The following RMDN1 variants were observed in gnomAD, a reference collection of about 807,000 sequenced individuals.
The protein encoded by RMDN1 is regulator of microtubule dynamics protein 1.
A neutral mutation model predicts 48.9 loss-of-function variants in RMDN1; 48 were observed. The observed-to-expected ratio is 0.98, with a 90% confidence interval of 0.78 to 1.25. RMDN1 has a LOEUF of 1.25. RMDN1 is among the 50% of genes most tolerant of loss of function. RMDN1 has a pLI of 0.00. For missense variants in RMDN1, 418 were observed against 373.4 expected, an observed-to-expected ratio of 1.12 and a Z score of -0.98; for synonymous variants, 148 against 132.6, an observed-to-expected ratio of 1.12 and a Z score of -0.80.
intron 4 of RMDN1, among the ~76,000 whole-genome samples, chr8:86,485,702 G>GA (rs34972672): frequency 0.014 from 2,155 of 152,282 alleles, 21 homozygotes; most frequent in South Asian, 0.059. Flanking sequence ...GCCACAGTTG[G>GA]ACGGCAGACC....
Position 86,474,105 on chromosome 8 carries a change from G to A in RMDN1, c.*203C>T. 1 of 1,299,694 alleles carries A rather than the reference G, an allele frequency of 7.7e-7. No individual in the cohort carries two copies. Among genetic ancestry groups the A allele is most frequent in the East Asian group, 3.1e-5 (1 of 32,580 alleles). 80.5% of individuals were successfully genotyped at this position (1,299,694 alleles called of 1,614,324 possible). On this transcript the variant is annotated 3_prime_UTR_variant, in exon 10 of 10. Transcript: ENST00000406452. ...AAATAATCTCTTTGCCTGAGCCATG[G>A]AGATTTATTTCTACCACTCTTATGG...
At chr8:86,472,200 A>C (rs917550065), downstream of RMDN1, 9 of 574,086 alleles carry the variant, frequency 1.6e-5, no homozygotes, top group South Asian at 2.0e-4. Context: ...ACACAAACAC[A>C]CATGTATAAA....
downstream of RMDN1, chr8:86,470,431 G>C (rs1206930937): frequency 7.9e-7 from 1 of 1,265,254 alleles, no homozygotes; most frequent in African/African-American, 1.5e-5. Flanking sequence ...AAATGGAAGA[G>C]ACTTAGTGCA....
At position 86,474,254 on chromosome 8, in the gene RMDN1, T is replaced by TA; in HGVS notation, c.*53dup. The TA allele has an allele frequency of 6.2e-7, 1 of 1,607,464 alleles. No individual in the cohort carries two copies. Among genetic ancestry groups the TA allele is most frequent in the Non-Finnish European group, 8.5e-7 (1 of 1,177,432 alleles). On this transcript the variant is annotated 3_prime_UTR_variant, in exon 10 of 10. Coordinates refer to ENST00000406452, the MANE Select transcript of RMDN1 (RefSeq NM_016033.3). ...ATAGTTCATATATTAAGTTTAGAAT[T>TA]AAAAGAAAAGGCAATGTTTATTAGC... is the stretch of plus-strand genomic sequence containing the variant.
At chr8:86,483,128 T>C (rs1184422615) in intron 5 of RMDN1, 2 of 359,920 alleles carry the variant, frequency 5.6e-6, no homozygotes, top group African/African-American at 2.1e-5. Flanking sequence ...AATCCAAAGA[T>C]GTTACCACTT....
Position 86,473,411 on chromosome 8 carries a change from A to G in RMDN1, c.*897T>C, listed in dbSNP as rs961748808. On this transcript the variant is annotated 3_prime_UTR_variant, in exon 10 of 10. Coordinates refer to ENST00000406452, the MANE Select transcript of RMDN1 (RefSeq NM_016033.3). Reference sequence around the variant, plus strand: ...TTAAGTTTTGTGTTCCTTCCATTCCATTAGGGAATAGAACTTTGCATCTGA... The same window carrying G: ...TTAAGTTTTGTGTTCCTTCCATTCCGTTAGGGAATAGAACTTTGCATCTGA... 1 of 984,786 alleles carries G rather than the reference A, an allele frequency of 1.0e-6. No individual in the cohort carries two copies. The highest frequency in any genetic ancestry group is 6.1e-5 in the Admixed American group (1 of 16,276). The allele number at this position is 984,786 out of a possible 1,614,324, so 61.0% of individuals were successfully genotyped here.
At chr8:86,498,267 A>AAG (rs1817689078) in intron 2 of RMDN1, among the ~76,000 whole-genome samples, 1 of 151,816 alleles carries the variant, frequency 6.6e-6, no homozygotes, top group Non-Finnish European at 1.5e-5. Flanking sequence ...GTAAAAAAAA[A>AAG]AAACCTACCA....
At chr8:86,506,349 T>C (rs1819351159) in intron 2 of RMDN1, among the ~76,000 whole-genome samples, 2 of 152,226 alleles carry the variant, frequency 1.3e-5, no homozygotes, top group Non-Finnish European at 2.9e-5. Flanking sequence ...TGAACGATTA[T>C]TATCTAAAGG....
chr8:86,495,619 G>A (rs1356924681), intron 2 of RMDN1, among the ~76,000 whole-genome samples: 2 of 152,058 alleles, frequency 1.3e-5, no homozygotes, highest in Non-Finnish European at 2.9e-5. Flanking sequence ...CAGGGTCCCT[G>A]CCTGGCCGCA....
downstream of RMDN1, chr8:86,470,040 G>A (rs572844110): frequency 2.9e-5 from 14 of 485,460 alleles, no homozygotes; most frequent in Middle Eastern, 3.1e-3. Context: ...TAAAAACTCA[G>A]TTGAGATAAC....
At chr8:86,500,667 C>T (rs6415565) in intron 2 of RMDN1, among the ~76,000 whole-genome samples, 76,200 of 151,822 alleles carry the variant, frequency 0.5, 19,615 homozygotes, top group Admixed American at 0.61. Context: ...AGAACCACTA[C>T]TTGATCCACC....
chr8:86,481,316 T>C (rs916780639), intron 5 of RMDN1, among the ~76,000 whole-genome samples: 1 of 152,198 alleles, frequency 6.6e-6, no homozygotes, highest in Non-Finnish European at 1.5e-5. Flanking sequence ...ACTTAACTCA[T>C]AAGGTTGTGG....
At chr8:86,507,200 A>G in intron 1 of RMDN1, 88 bp from the exon 2 acceptor site, 3 of 750,698 alleles carry the variant, frequency 4.0e-6, no homozygotes, top group Non-Finnish European at 7.0e-6. Context: ...ATTTTCTCCC[A>G]CCCCCAAAGC....
chr8:86,495,506 T>C (rs981233497), intron 2 of RMDN1, among the ~76,000 whole-genome samples: 9 of 152,108 alleles, frequency 5.9e-5, no homozygotes, highest in Admixed American at 1.3e-4. Context: ...CTCCTCTAGG[T>C]GGTCTTAGCC....
At position 86,477,322 on chromosome 8, in the gene RMDN1, G is replaced by T; in HGVS notation, c.732C>A (p.Ala244=). ...ATPPSSTYEK[A]LGYFHRAEQV... ...GTTCTGCCCTGTGAAAGTAGCCTAA[G>T]GCCTGTCAAAAACACAAAGAGCCCA... The change falls in exon 8 of 10, where the codon GCC becomes GCA. Residue 244 remains alanine, a splice_region_variant and synonymous_variant. Coordinates refer to ENST00000406452, the MANE Select transcript of RMDN1 (RefSeq NM_016033.3). 6.3e-7 allele frequency: 1 copy of T among 1,589,282 alleles called. No individual in the cohort carries two copies. The highest frequency in any genetic ancestry group is 8.5e-7 in the Non-Finnish European group (1 of 1,170,300).
In RMDN1 at chr8:86,508,592, A is replaced by G. The variant is rs532421390; in HGVS notation, c.29T>C (p.Leu10Pro). Residue 10 changes from leucine (L) to proline (P), a missense_variant, in exon 1 of 10, where the codon CTT becomes CCT. Leu to Pro is a moderately conservative substitution (Grantham distance 98). Transcript: ENST00000406452. ...GGCGGCTCCACGTCGGAAAGGCAGA[A>G]GGCGCCACAGTCGAGCAGCCAGCGC... MALAARLWR[L>P]LPFRRGAAPG... 11 of 1,605,104 alleles carry G rather than the reference A, an allele frequency of 6.9e-6. 1 individual carries two copies. Among genetic ancestry groups the G allele is most frequent in the Middle Eastern group, 1.7e-4 (1 of 5,926 alleles).
rs995696470 is a variant in RMDN1 at position 86,501,363 on chromosome 8, T to C, written c.247+5632A>G. On this transcript the variant is annotated intron_variant, in intron 2 of 9. Transcript: ENST00000406452. ...CAAAATACACTGAAACTAAATGTGA[T>C]AGATTCAAAGAAGAAATAGAGATAA... Among the ~76,000 whole-genome samples the C allele has an allele frequency of 8.5e-5, 13 of 152,256 alleles. No individual in the cohort carries two copies. The East Asian group carries it at 2.3e-3, about 27-fold the overall frequency.
In RMDN1 at chr8:86,495,759, G is replaced by A. The variant is rs202033206; in HGVS notation, c.248-7120C>T. Among the ~76,000 whole-genome samples, 65 of 152,148 alleles carry A rather than the reference G, an allele frequency of 4.3e-4. No homozygotes were observed. The East Asian group carries it at 8.3e-3, about 19-fold the overall frequency. On this transcript the variant is annotated intron_variant, in intron 2 of 9. Transcript: ENST00000406452. Reference sequence around the variant, plus strand: ...ACTCAGAGCCTCTGCCCACTGCCTCGCCAGCATGCACACATACAACATGCA... The same window carrying A: ...ACTCAGAGCCTCTGCCCACTGCCTCACCAGCATGCACACATACAACATGCA...
rs781347394 is a variant in RMDN1 at position 86,484,869 on chromosome 8, T to C, written c.585+3A>G. 1.3e-6 allele frequency: 2 copies of C among 1,542,324 alleles called. No homozygotes were observed. The highest frequency in any genetic ancestry group is 2.8e-5 in the African/African-American group (2 of 72,700). On this transcript the variant is annotated splice_donor_region_variant and intron_variant, in intron 5 of 9. Coordinates refer to ENST00000406452, the MANE Select transcript of RMDN1 (RefSeq NM_016033.3). ...TTCATGAATTTGAATAATTCATCAGTACCTCAAAATGCTCCTTGATGATAT... is the reference window on the plus strand; with the variant it reads ...TTCATGAATTTGAATAATTCATCAGCACCTCAAAATGCTCCTTGATGATAT...
Sources: gnomAD v4.1 joint callset for allele counts (sites outside exome capture counted in the v4.1 genomes callset) on GRCh38, gnomAD v4.1.1 for gene constraint, MANE v1.5 for transcripts, NCBI Gene and HGNC (gene_info 2026-07-23, HGNC 2026-07-21) for gene names.